Variants in KCNH5 observed in about 807,000 individuals in gnomAD.
KCNH5 encodes the protein potassium voltage-gated channel subfamily H member 5, also known as voltage-gated delayed rectifier potassium channel KCNH5.
In KCNH5, 46 loss-of-function variants were observed where a neutral mutation model predicts 96.1. The observed-to-expected ratio is 0.48, with a 90% confidence interval of 0.38 to 0.61. The LOEUF (loss-of-function observed/expected upper bound fraction) is 0.61, where lower values mean the gene tolerates loss of function less well. Among genes scored for constraint, KCNH5 ranks in the 20% least tolerant of loss-of-function variants. The pLI, the probability that KCNH5 is intolerant of heterozygous loss-of-function variation, is 0.00. For synonymous variants in KCNH5, 439 were observed against 449.8 expected, an observed-to-expected ratio of 0.98 and a Z score of 0.30; for missense variants, 907 against 1,225.8, an observed-to-expected ratio of 0.74 and a Z score of 3.88.
At chr14:62,867,104 A>C (rs745434836) in intron 7 of KCNH5, among the ~76,000 whole-genome samples, 134 of 152,180 alleles carry the variant, frequency 8.8e-4, no homozygotes, top group Non-Finnish European at 2.4e-4. Context: ...GGTTATCAGC[A>C]AAGAGGAGAG....
intron 10 of KCNH5, among the ~76,000 whole-genome samples, chr14:62,763,984 C>CA (rs1885808470): frequency 6.6e-6 from 1 of 151,914 alleles, no homozygotes; most frequent in Non-Finnish European, 1.5e-5. Context: ...AATACTATTC[C>CA]AAAAAAATGA....
chr14:62,881,521 A>C (rs1354344704), intron 7 of KCNH5, among the ~76,000 whole-genome samples: 2 of 152,168 alleles, frequency 1.3e-5, no homozygotes, highest in South Asian at 2.1e-4. Context: ...GAAATAACCA[A>C]TAGGTGCCTG....
chr14:62,935,815 A>G (rs1889669109), intron 7 of KCNH5, among the ~76,000 whole-genome samples: 2 of 152,194 alleles, frequency 1.3e-5, no homozygotes, highest in Admixed American at 6.5e-5. Context: ...TCAAGAACAC[A>G]TGCAGCAGGA....
At chr14:62,900,013 C>A (rs1362294641) in intron 7 of KCNH5, among the ~76,000 whole-genome samples, 1 of 152,124 alleles carries the variant, frequency 6.6e-6, no homozygotes, top group East Asian at 1.9e-4. Flanking sequence ...TTGCCATGAT[C>A]TGCATATAAG....
chr14:62,853,596 T>G (rs1397503361), intron 7 of KCNH5, among the ~76,000 whole-genome samples: 1 of 151,126 alleles, frequency 6.6e-6, no homozygotes, highest in African/African-American at 2.4e-5. Context: ...TTCTTGATGC[T>G]GATCAAACAA....
At chr14:62,938,526 T>C (rs1007668781) in intron 7 of KCNH5, among the ~76,000 whole-genome samples, 1 of 152,214 alleles carries the variant, frequency 6.6e-6, no homozygotes. Context: ...ATGACATTTA[T>C]TTTAATAAGT....
At chr14:62,807,790 C>T (rs1439399388) in intron 8 of KCNH5, among the ~76,000 whole-genome samples, 2 of 152,012 alleles carry the variant, frequency 1.3e-5, no homozygotes, top group African/African-American at 4.8e-5. Flanking sequence ...TCAGAAAGTC[C>T]AAGAATGTCT....
chr14:62,968,565 T>C (rs887712411), intron 6 of KCNH5, among the ~76,000 whole-genome samples: 3 of 152,206 alleles, frequency 2.0e-5, no homozygotes, highest in Non-Finnish European at 4.4e-5. Context: ...GTGAACATAG[T>C]GGTCAAAGGA....
At chr14:62,803,519 G>A (rs1225523125) in intron 8 of KCNH5, among the ~76,000 whole-genome samples, 1 of 152,164 alleles carries the variant, frequency 6.6e-6, no homozygotes, top group Non-Finnish European at 1.5e-5. Context: ...GGGTGGGTAT[G>A]TTATTTTGTA....
At chr14:62,800,265 C>G (rs1022850380) in intron 9 of KCNH5, among the ~76,000 whole-genome samples, 1 of 152,086 alleles carries the variant, frequency 6.6e-6, no homozygotes, top group Non-Finnish European at 1.5e-5. Flanking sequence ...ACAAAAAGCA[C>G]AAACTCAAAA....
chr14:62,734,603 T>A (rs1445883997), intron 10 of KCNH5, among the ~76,000 whole-genome samples: 1 of 152,110 alleles, frequency 6.6e-6, no homozygotes, highest in Non-Finnish European at 1.5e-5. Flanking sequence ...TACACTAGCA[T>A]TATGCCTTCT....
At position 62,900,232 on chromosome 14, in the gene KCNH5, G is replaced by A. The variant is rs565984046; in HGVS notation, c.1369+49901C>T. Among the ~76,000 whole-genome samples, 9 of 152,298 alleles carry A rather than the reference G, an allele frequency of 5.9e-5. No homozygotes were observed. In the South Asian group the frequency reaches 1.9e-3, roughly 32 times the overall value. On this transcript the variant is annotated intron_variant, in intron 7 of 10. Coordinates refer to ENST00000322893, the MANE Select transcript of KCNH5 (RefSeq NM_139318.5). ...TAGGAAGCAAATCCCAGGGAAAATA[G>A]TAAAGCACTCTATAGGAAATGCTCT...
At chr14:62,745,160 C>T (rs185915453) in intron 10 of KCNH5, among the ~76,000 whole-genome samples, 4 of 152,244 alleles carry the variant, frequency 2.6e-5, no homozygotes, top group East Asian at 3.9e-4. Flanking sequence ...AGGCTTTTAA[C>T]GCACAAAAGT....
chr14:63,037,704 T>C (rs750960310), intron 1 of KCNH5, among the ~76,000 whole-genome samples: 2 of 152,216 alleles, frequency 1.3e-5, no homozygotes, highest in African/African-American at 2.4e-5. Context: ...TAGTTAGATA[T>C]GGCAACCTGA....
intron 7 of KCNH5, among the ~76,000 whole-genome samples, chr14:62,901,905 T>C (rs1300682818): frequency 4.6e-5 from 7 of 152,204 alleles, no homozygotes; most frequent in Admixed American, 4.6e-4. Context: ...TACTTTTTAG[T>C]AACAGTAATT....
chr14:62,980,332 T>C (rs924901009), intron 6 of KCNH5, among the ~76,000 whole-genome samples: 13 of 152,156 alleles, frequency 8.5e-5, no homozygotes, highest in Non-Finnish European at 1.5e-4. Context: ...GTGGCAAAAA[T>C]TCAAGAATTG....
At chr14:62,817,226 T>C (rs1045989877) in intron 8 of KCNH5, among the ~76,000 whole-genome samples, 5 of 131,894 alleles carry the variant, frequency 3.8e-5, no homozygotes, top group Admixed American at 2.6e-4. Flanking sequence ...TTATATATAA[T>C]ATAATACATA....
chr14:62,910,428 T>C (rs955809480), intron 7 of KCNH5, among the ~76,000 whole-genome samples: 2 of 151,984 alleles, frequency 1.3e-5, no homozygotes, highest in African/African-American at 4.8e-5. Context: ...TGGAGACAAA[T>C]AGTCATTACA....
intron 10 of KCNH5, among the ~76,000 whole-genome samples, chr14:62,735,709 T>C (rs898591665): frequency 2.0e-5 from 3 of 152,168 alleles, no homozygotes; most frequent in African/African-American, 7.2e-5. Context: ...CCAACAAAGA[T>C]ACGTTGAAGT....
Sources: allele counts gnomAD v4.1 joint callset (sites outside exome capture counted in the v4.1 genomes callset), GRCh38; gene constraint gnomAD v4.1.1; transcripts MANE v1.5; gene names NCBI Gene and HGNC (gene_info 2026-07-23, HGNC 2026-07-21).